Variants in PYROXD2 observed in about 807,000 individuals in gnomAD.
PYROXD2 encodes the protein pyridine nucleotide-disulphide oxidoreductase domain 2, also known as pyridine nucleotide-disulfide oxidoreductase domain-containing protein 2.
Under a neutral mutation model 71.1 loss-of-function variants are expected in PYROXD2, and 69 were observed. The observed-to-expected ratio is 0.97, with a 90% CI of 0.80 to 1.19. The LOEUF (loss-of-function observed/expected upper bound fraction) is 1.19, where lower values mean the gene tolerates loss of function less well. PYROXD2 is among the 50% of genes most tolerant of loss of function. The probability of loss-of-function intolerance (pLI) is 0.00; values close to 1 mark genes in which losing one functional copy is unlikely to be tolerated. For synonymous variants in PYROXD2, 287 were observed against 302.7 expected (o/e 0.95, Z 0.54); for missense variants, 745 against 748.9 (o/e 0.99, Z 0.06).
chr10:98,390,800 T>A, intron 11 of PYROXD2, 46 bp from the exon 12 acceptor site: 1 of 1,537,606 alleles, frequency 6.5e-7, no homozygotes, highest in Non-Finnish European at 8.8e-7. Context: ...CACAAGGTCC[T>A]CCCTCTACAG....
Position 98,415,178 on chromosome 10 carries a change from C to T in PYROXD2, c.-43G>A, listed in dbSNP as rs957182870. 15 of 1,600,266 alleles carry T rather than the reference C, an allele frequency of 9.4e-6. No homozygotes were observed. In the African/African-American group the frequency reaches 1.3e-4, roughly 14 times the overall value. On this transcript the variant is annotated 5_prime_UTR_variant, in exon 1 of 16. Transcript: ENST00000370575. ...CCTTGCTAGGCAGGGAGTTTGCTAG[C>T]GATTGGCTTTTGTGCTGCCCTAGGC...
chr10:98,400,126 G>A lies in PYROXD2; in HGVS notation c.447C>T (p.Ala149=), dbSNP rs149139597. The change falls in exon 5 of 16, where the codon GCC becomes GCT. Residue 149 remains alanine (A), a synonymous_variant. Transcript: ENST00000370575. ...TDMAENQKQI[A]QFSQKDAQVF... The stretch of plus-strand genomic sequence containing the variant: ...CCTGGGCATCCTTCTGGGAGAACTG[G>A]GCGATCTGCTTCTGGTTTTCTGCCA... 189 of 1,613,582 alleles carry A rather than the reference G, an allele frequency of 1.2e-4. No individual in the cohort carries two copies. Among genetic ancestry groups the A allele is most frequent in the Non-Finnish European group, 1.5e-4 (173 of 1,179,828 alleles).
chr10:98,412,881 C>G (rs1843835861), intron 1 of PYROXD2, among the ~76,000 whole-genome samples: 1 of 152,204 alleles, frequency 6.6e-6, no homozygotes, highest in South Asian at 2.1e-4. Context: ...CGGAAGGAGG[C>G]AGGGGGCTTC....
chr10:98,394,295 C>T (rs1843065301), intron 8 of PYROXD2, among the ~76,000 whole-genome samples: 1 of 152,110 alleles, frequency 6.6e-6, no homozygotes, highest in Non-Finnish European at 1.5e-5. Flanking sequence ...GGCAGGAGGC[C>T]CCAGCTGGAA....
rs921881746 is a variant in PYROXD2, at chr10:98,383,761, G to T, written c.*37C>A. 1.3e-6 allele frequency: 2 copies of T among 1,578,260 alleles called. No homozygotes were observed. The highest frequency in any genetic ancestry group is 2.7e-5 in the African/African-American group (2 of 74,156). On this transcript the variant is annotated 3_prime_UTR_variant, in exon 16 of 16. Transcript: ENST00000370575. Reference sequence around the variant, plus strand: ...TCCAATGGAGCACTTGGAATTCAGGGGTGGAGTCTTCTTCCTGGGTCAGAG... The same window carrying T: ...TCCAATGGAGCACTTGGAATTCAGGTGTGGAGTCTTCTTCCTGGGTCAGAG...
intron 8 of PYROXD2, among the ~76,000 whole-genome samples, chr10:98,394,543 A>AACACAC (rs58461142): frequency 0.017 from 2,479 of 141,890 alleles, 62 homozygotes; most frequent in Admixed American, 0.069. Flanking sequence ...TCTCCATCCC[A>AACACAC]ACACACACAC....
intron 12 of PYROXD2, 81 bp downstream of exon 12, chr10:98,390,517 C>G: frequency 6.9e-7 from 1 of 1,452,226 alleles, no homozygotes; most frequent in South Asian, 1.5e-5. Flanking sequence ...GGCCTGATCC[C>G]TGCTGTGGGT....
intron 5 of PYROXD2, among the ~76,000 whole-genome samples, chr10:98,399,095 C>T (rs1027178091): frequency 3.3e-5 from 5 of 151,956 alleles, no homozygotes; most frequent in Admixed American, 6.6e-5. Context: ...GAGCCAAGAT[C>T]GCACCACTGC....
At chr10:98,411,232 G>C in intron 1 of PYROXD2, 1 of 478,106 alleles carries the variant, frequency 2.1e-6, no homozygotes. Context: ...GGAGTGAGGG[G>C]CTCATGAGAG....
chr10:98,406,891 CAAAAAAAAAAA>C (rs35562526), intron 4 of PYROXD2, among the ~76,000 whole-genome samples: 6 of 73,118 alleles, frequency 8.2e-5, no homozygotes, highest in Non-Finnish European at 1.6e-4. Flanking sequence ...GACTCCGTCC[CAAAAAAAAAAA>C]AAAAAAAAAA....
intron 12 of PYROXD2, among the ~76,000 whole-genome samples, chr10:98,389,725 C>G (rs945211566): frequency 2.0e-5 from 3 of 152,182 alleles, no homozygotes; most frequent in Admixed American, 6.5e-5. Context: ...ATTAGAGAAG[C>G]CTTTCCTCCC....
intron 5 of PYROXD2, among the ~76,000 whole-genome samples, chr10:98,397,951 C>T (rs549414443): frequency 2.3e-5 from 3 of 132,578 alleles, no homozygotes; most frequent in South Asian, 2.4e-4. Flanking sequence ...GGTGCGATGT[C>T]GGCTCACTGC....
chr10:98,396,054 T>C (rs1843162927), intron 6 of PYROXD2, among the ~76,000 whole-genome samples: 1 of 152,202 alleles, frequency 6.6e-6, no homozygotes, highest in Non-Finnish European at 1.5e-5. Flanking sequence ...ACTGGTTATC[T>C]GAGAGAGAGG....
At position 98,407,933 on chromosome 10, in the gene PYROXD2, C is replaced by T. The variant is rs772866057; in HGVS notation, c.212G>A (p.Gly71Asp). Reference sequence around the variant, plus strand: ...GATGATCTCCTCAGTGACAGCTGCACCCCCGATCACATGGCGCCTCTCGAA... The same window carrying T: ...GATGATCTCCTCAGTGACAGCTGCATCCCCGATCACATGGCGCCTCTCGAA... Reference protein sequence around the residue: ...AVFERRHVIGGAAVTEEIIPG... With the variant: ...AVFERRHVIGDAAVTEEIIPG... Residue 71 changes from glycine (G) to aspartate (D), a missense_variant, in exon 3 of 16, where the codon GGT (glycine) becomes GAT (aspartate). Gly to Asp is a moderately conservative substitution (Grantham distance 94). Coordinates refer to ENST00000370575, the MANE Select transcript of PYROXD2 (RefSeq NM_032709.3). The T allele has an allele frequency of 1.9e-6, 3 of 1,610,770 alleles. No homozygotes were observed. Among genetic ancestry groups the T allele is most frequent in the Admixed American group, 1.7e-5 (1 of 59,814 alleles).
At chr10:98,410,850 T>A in intron 2 of PYROXD2, 89 bp downstream of exon 2, 1 of 1,545,336 alleles carries the variant, frequency 6.5e-7, no homozygotes, top group Non-Finnish European at 8.8e-7. Flanking sequence ...AAGGCCCTTA[T>A]CCCACCTGCT....
chr10:98,408,454 C>T (rs909974239), intron 2 of PYROXD2, among the ~76,000 whole-genome samples: 1 of 152,208 alleles, frequency 6.6e-6, no homozygotes, highest in African/African-American at 2.4e-5. Flanking sequence ...AGCCTCAGTA[C>T]CTGATCCGTC....
Position 98,409,592 on chromosome 10 carries a change from C to A in PYROXD2, c.147+1347G>T, listed in dbSNP as rs376019533. On this transcript the variant is annotated intron_variant, in intron 2 of 15. Transcript: ENST00000370575. Reference sequence around the variant, plus strand: ...ATGCCAGCCTTCCTTGGCCTGGAAACTTCCAGTAATAACAGCCACCATTTG... The same window carrying A: ...ATGCCAGCCTTCCTTGGCCTGGAAAATTCCAGTAATAACAGCCACCATTTG... Among the ~76,000 whole-genome samples the A allele has an allele frequency of 7.0e-4, 106 of 152,324 alleles. 1 individual carries two copies. The South Asian group carries it at 0.017, about 24-fold the overall frequency.
chr10:98,388,407 A>G lies in PYROXD2; in HGVS notation c.1394T>C (p.Leu465Pro), dbSNP rs1387855282. 6.2e-7 allele frequency: 1 copy of G among 1,613,646 alleles called. No individual in the cohort carries two copies. Among genetic ancestry groups the G allele is most frequent in the Non-Finnish European group, 8.5e-7 (1 of 1,179,914 alleles). The change falls in exon 13 of 16, where the codon CTG becomes CCG. Residue 465 changes from leucine to proline, a missense_variant. Physicochemically the swap from Leu to Pro is moderately conservative, Grantham distance 98 (BLOSUM62 -3). Transcript: ENST00000370575. ...SLFTQYMPYTLAGGKAWDEQE... is the reference protein window; with the variant it reads ...SLFTQYMPYTPAGGKAWDEQE... ...CTCGTCCCAGGCCTTGCCTCCAGCCAGCGTATAGGGCATGTACTGAGTGAA... is the reference window on the plus strand; with the variant it reads ...CTCGTCCCAGGCCTTGCCTCCAGCCGGCGTATAGGGCATGTACTGAGTGAA...
Position 98,392,419 on chromosome 10 carries a change from C to T in PYROXD2, c.1062+13G>A, listed in dbSNP as rs1333671047. ...CAGACATCTAAGCTCCACCCTCCTGCCCACAGCCTCACCTGTGGCGTCAGC... is the reference window on the plus strand; with the variant it reads ...CAGACATCTAAGCTCCACCCTCCTGTCCACAGCCTCACCTGTGGCGTCAGC... On this transcript the variant is annotated intron_variant, in intron 10 of 15. Coordinates refer to ENST00000370575, the MANE Select transcript of PYROXD2 (RefSeq NM_032709.3). 1.2e-6 allele frequency: 2 copies of T among 1,612,302 alleles called. No homozygotes were observed. The highest frequency in any genetic ancestry group is 1.7e-6 in the Non-Finnish European group (2 of 1,179,676).
Sources: gnomAD v4.1 joint callset for allele counts (sites outside exome capture counted in the v4.1 genomes callset) on GRCh38, gnomAD v4.1.1 for gene constraint, MANE v1.5 for transcripts, NCBI Gene and HGNC (gene_info 2026-07-23, HGNC 2026-07-21) for gene names.